COL12A1: variants seen among roughly 807,000 people sequenced by gnomAD.
COL12A1 encodes collagen alpha-1(XII) chain.
COL12A1 carries 114 observed loss-of-function variants against 349.7 expected under a neutral mutation model. The ratio of observed to expected loss-of-function variants is 0.33; its 90% CI spans 0.28 to 0.38. COL12A1 has a LOEUF of 0.38. Among genes scored for constraint, COL12A1 ranks in the 10% least tolerant of loss-of-function variants. The probability of loss-of-function intolerance (pLI) is 1.00; values close to 1 mark genes in which losing one functional copy is unlikely to be tolerated. For missense variants in COL12A1, 3,284 were observed against 3,756.9 expected, an observed-to-expected ratio of 0.87 and a Z score of 3.29; for synonymous variants, 1,369 against 1,329.0, an observed-to-expected ratio of 1.03 and a Z score of -0.66.
chr6:75,099,489 A>G (rs1768203180), intron 58 of COL12A1, among the ~76,000 whole-genome samples: 1 of 152,226 alleles, frequency 6.6e-6, no homozygotes, highest in South Asian at 2.1e-4. Context: ...ATCCTCCTTT[A>G]GTCAGTCTAA....
At chr6:75,199,663 A>G (rs1333754591) in intron 2 of COL12A1, among the ~76,000 whole-genome samples, 1 of 152,204 alleles carries the variant, frequency 6.6e-6, no homozygotes, top group African/African-American at 2.4e-5. Context: ...AACCAAAAAT[A>G]ATTCATACAT....
chr6:75,132,649 A>T lies in COL12A1; in HGVS notation c.5795-567T>A, dbSNP rs141442324. Among the ~76,000 whole-genome samples the T allele has an allele frequency of 7.9e-3, 1,210 of 152,330 alleles. 10 individuals are homozygous for T. Among genetic ancestry groups the T allele is most frequent in the African/African-American group, 0.027 (1,110 of 41,574 alleles). On this transcript the variant is annotated intron_variant, in intron 34 of 65. Coordinates refer to ENST00000322507, the MANE Select transcript of COL12A1 (RefSeq NM_004370.6). ...TTAGAAAAACCTACCAATTAAATTG[A>T]TGTACTAATTCCAAACTCTAATTTA...
intron 25 of COL12A1, among the ~76,000 whole-genome samples, chr6:75,145,095 C>T (rs1278379461): frequency 6.6e-6 from 1 of 152,158 alleles, no homozygotes; most frequent in Non-Finnish European, 1.5e-5. Context: ...TTGTAAAACA[C>T]TTCAATTTCA....
chr6:75,197,925 T>C (rs1447398387), intron 2 of COL12A1, among the ~76,000 whole-genome samples: 1 of 152,216 alleles, frequency 6.6e-6, no homozygotes. Flanking sequence ...ATGATAATAA[T>C]AGCTGAAACT....
intron 33 of COL12A1, 44 bp downstream of exon 33, chr6:75,133,814 A>G: frequency 6.2e-7 from 1 of 1,607,674 alleles, no homozygotes; most frequent in African/African-American, 1.3e-5. Flanking sequence ...TCACTCAGCT[A>G]CCATTTAAAC....
At chr6:75,173,345 A>G (rs1338917731) in intron 13 of COL12A1, among the ~76,000 whole-genome samples, 1 of 151,986 alleles carries the variant, frequency 6.6e-6, no homozygotes, top group African/African-American at 2.4e-5. Flanking sequence ...GATTTCATGG[A>G]CTATGGAAAT....
Position 75,155,709 on chromosome 6 carries a change from C to T in COL12A1, c.3396G>A (p.Glu1132=), listed in dbSNP as rs1420617553. The change falls in exon 16 of 66, where the codon GAG becomes GAA. Residue 1132 remains glutamate, a synonymous_variant. Transcript: ENST00000322507. ...HPTGDDRRLG[E]LVVGPYDNTV... ...TGTTGTCATAGGGTCCAACCACTAACTCCCCCAGTCTTCTGTCATCCCCCG... is the reference window on the plus strand; with the variant it reads ...TGTTGTCATAGGGTCCAACCACTAATTCCCCCAGTCTTCTGTCATCCCCCG... 3.1e-6 allele frequency: 5 copies of T among 1,612,322 alleles called. No individual in the cohort carries two copies. In the African/African-American group the frequency reaches 4.0e-5, roughly 13 times the overall value.
At chr6:75,114,523 T>C (rs1311659724) in intron 49 of COL12A1, among the ~76,000 whole-genome samples, 3 of 151,998 alleles carry the variant, frequency 2.0e-5, no homozygotes, top group African/African-American at 7.2e-5. Context: ...TGGTTTTCTA[T>C]CTGAGAACAT....
Position 75,086,354 on chromosome 6 carries a change from C to A in COL12A1, c.*193G>T. The A allele has an allele frequency of 2.9e-6, 1 of 343,796 alleles. No homozygotes were observed. The allele number at this position is 343,796 out of a possible 1,614,324, so 21.3% of individuals were successfully genotyped here. On this transcript the variant is annotated 3_prime_UTR_variant, in exon 66 of 66. Coordinates refer to ENST00000322507, the MANE Select transcript of COL12A1 (RefSeq NM_004370.6). ...GCATCAGGATTATAAACTGACACCA[C>A]TGCTTTTGTCTCATTCAAGTTAGTA...
chr6:75,087,512 A>G, intron 65 of COL12A1, 65 bp downstream of exon 65: 1 of 1,546,066 alleles, frequency 6.5e-7, no homozygotes, highest in East Asian at 2.3e-5. Context: ...AATCCTAAGG[A>G]ACTTCATTTC....
Position 75,183,354 on chromosome 6 carries a change from T to A in COL12A1, c.1587A>T (p.Lys529Asn). ...TGKAMTYVRE[K>N]IFVPSKGSRS... ...TTGATCCCTTGCTAGGCACAAATAT[T>A]TTCTCTCTGACATAAGTCATTGCTT... Residue 529 changes from lysine to asparagine, a missense_variant, in exon 10 of 66, where the codon AAA (lysine) becomes AAT (asparagine). Physicochemically the swap from Lys to Asn is moderately conservative, Grantham distance 94. Around this residue, in one of 2 missense-constraint regions of COL12A1, gnomAD observed 2,601 missense variants for 2,824.8 expected, o/e 0.92. Coordinates refer to ENST00000322507, the MANE Select transcript of COL12A1 (RefSeq NM_004370.6). 6.2e-7 allele frequency: 1 copy of A among 1,614,242 alleles called. No individual in the cohort carries two copies. The highest frequency in any genetic ancestry group is 8.5e-7 in the Non-Finnish European group (1 of 1,180,044).
chr6:75,118,082 C>T (rs999531371), intron 46 of COL12A1, among the ~76,000 whole-genome samples: 18 of 151,808 alleles, frequency 1.2e-4, no homozygotes, highest in East Asian at 3.9e-4. Context: ...TTTTTCACTC[C>T]GAAAGCTAAA....
rs760315104 is a variant in COL12A1, at chr6:75,134,801, T to A, written c.5449A>T (p.Thr1817Ser). The A allele has an allele frequency of 1.2e-6, 2 of 1,613,070 alleles. No individual in the cohort carries two copies. The highest frequency in any genetic ancestry group is 1.7e-6 in the Non-Finnish European group (2 of 1,179,392). The change falls in exon 32 of 66, where the codon ACT (threonine) becomes TCT (serine). Residue 1817 changes from threonine (T) to serine (S), a missense_variant. By Grantham distance (58) the Thr-to-Ser change is moderately conservative. This residue lies in a region of COL12A1 where 2,601 missense variants were observed against 2,824.8 expected (regional missense o/e 0.92). Coordinates refer to ENST00000322507, the MANE Select transcript of COL12A1 (RefSeq NM_004370.6). Reference sequence around the variant, plus strand: ...GAGGATACGGTGATAGTGTAAGGAGTGTCTGGCTTCAGTTTCTGCAGGACC... The same window carrying A: ...GAGGATACGGTGATAGTGTAAGGAGAGTCTGGCTTCAGTTTCTGCAGGACC... Reference protein sequence around the residue: ...SVVLQKLKPDTPYTITVSSLY... With the variant: ...SVVLQKLKPDSPYTITVSSLY...
chr6:75,088,599 T>C (rs982337552), intron 64 of COL12A1, among the ~76,000 whole-genome samples: 7 of 152,124 alleles, frequency 4.6e-5, no homozygotes, highest in African/African-American at 1.7e-4. Flanking sequence ...TAATGCCTAA[T>C]AGAAACTTTT....
chr6:75,163,474 G>C (rs963765195), intron 14 of COL12A1, among the ~76,000 whole-genome samples: 25 of 151,926 alleles, frequency 1.6e-4, no homozygotes, highest in Non-Finnish European at 1.0e-4. Context: ...AGAATACATG[G>C]ACACAGGGAG....
At chr6:75,190,748 G>A (rs555840723) in intron 5 of COL12A1, among the ~76,000 whole-genome samples, 52 of 151,876 alleles carry the variant, frequency 3.4e-4, no homozygotes, top group African/African-American at 1.1e-3. Flanking sequence ...AGAAGGAGAG[G>A]GTGCTGAAAA....
chr6:75,105,554 T>C (rs1449332902), intron 53 of COL12A1, among the ~76,000 whole-genome samples: 2 of 152,164 alleles, frequency 1.3e-5, no homozygotes, highest in South Asian at 4.1e-4. Flanking sequence ...TTTCCTCTAA[T>C]CCAGTGTTAG....
chr6:75,133,683 T>A (rs749133603), intron 33 of COL12A1, among the ~76,000 whole-genome samples, 175 bp downstream of exon 33: 7 of 152,028 alleles, frequency 4.6e-5, no homozygotes, highest in Admixed American at 2.0e-4. Context: ...CTGGCCACAA[T>A]CCCTCTGTTA....
chr6:75,173,759 G>A (rs1768766510), intron 13 of COL12A1, among the ~76,000 whole-genome samples: 1 of 152,094 alleles, frequency 6.6e-6, no homozygotes, highest in South Asian at 2.1e-4. Context: ...CCTATTGTAT[G>A]TCCTGTCTCA....
Sources: gnomAD v4.1 joint callset for allele counts (sites outside exome capture counted in the v4.1 genomes callset) on GRCh38, gnomAD v4.1.1 for gene constraint, gnomAD v4.1.1 regional missense constraint, MANE v1.5 for transcripts, NCBI Gene and HGNC (gene_info 2026-07-23, HGNC 2026-07-21) for gene names.